VSTM2L: variants seen among roughly 807,000 people sequenced by gnomAD.
VSTM2L encodes the protein V-set and transmembrane domain-containing protein 2-like protein.
Under a neutral mutation model 19.9 loss-of-function variants are expected in VSTM2L, and 9 were observed. The ratio of observed to expected loss-of-function variants is 0.45; its 90% CI spans 0.27 to 0.79. The LOEUF (loss-of-function observed/expected upper bound fraction) is 0.79, where lower values mean the gene tolerates loss of function less well. VSTM2L is among the 30% of genes least tolerant of loss of function. The pLI, the probability that VSTM2L is intolerant of heterozygous loss-of-function variation, is 0.15. For missense variants in VSTM2L, 286 were observed against 295.5 expected (o/e 0.97, Z 0.24); for synonymous variants, 127 against 133.8 (o/e 0.95, Z 0.35).
At chr20:37,931,363 G>A (rs950284339) in intron 1 of VSTM2L, among the ~76,000 whole-genome samples, 2 of 152,116 alleles carry the variant, frequency 1.3e-5, no homozygotes, top group Non-Finnish European at 2.9e-5. Flanking sequence ...CTCCCACAGC[G>A]CCCGGCTGCT....
intron 3 of VSTM2L, among the ~76,000 whole-genome samples, chr20:37,940,400 C>T (rs528685145): frequency 1.3e-5 from 2 of 152,346 alleles, no homozygotes; most frequent in Admixed American, 1.3e-4. Context: ...GAAGGCTTTC[C>T]CTCCACGTAG....
chr20:37,911,761 G>C (rs2122938306), intron 1 of VSTM2L, among the ~76,000 whole-genome samples: 1 of 152,282 alleles, frequency 6.6e-6, no homozygotes, highest in Non-Finnish European at 1.5e-5. Context: ...GCATGTCCCT[G>C]CCCCTCTCTG....
At chr20:37,940,775 T>G (rs986323234) in intron 3 of VSTM2L, among the ~76,000 whole-genome samples, 16 of 152,194 alleles carry the variant, frequency 1.1e-4, no homozygotes, top group African/African-American at 3.9e-4. Flanking sequence ...CTTAGAATTA[T>G]GGTGTAAGGC....
At chr20:37,937,983 C>A (rs7268192) in intron 3 of VSTM2L, among the ~76,000 whole-genome samples, 5 of 152,106 alleles carry the variant, frequency 3.3e-5, no homozygotes, top group African/African-American at 1.2e-4. Flanking sequence ...CGGGATGAGA[C>A]CTCAAAGGGC....
chr20:37,921,686 G>A (rs951193115), intron 1 of VSTM2L, among the ~76,000 whole-genome samples: 3 of 152,062 alleles, frequency 2.0e-5, no homozygotes, highest in Non-Finnish European at 4.4e-5. Flanking sequence ...TAGAGAAAAG[G>A]GAACTGAGAG....
At chr20:37,931,832 TGG>T in intron 2 of VSTM2L, 28 bp downstream of exon 2, 1 of 1,605,296 alleles carries the variant, frequency 6.2e-7, no homozygotes, top group Non-Finnish European at 8.5e-7. Context: ...ATGCCCAAGC[TGG>T]GCTGGGGAAG....
In VSTM2L at chr20:37,915,032, G is replaced by A. The variant is rs569629404; in HGVS notation, c.121+11561G>A. Reference sequence around the variant, plus strand: ...GGCGGCAATTAGGGCCTGCTCGCTGGGGAGCTGTTTGCCGCCTGTCGTCGG... The same window carrying A: ...GGCGGCAATTAGGGCCTGCTCGCTGAGGAGCTGTTTGCCGCCTGTCGTCGG... On this transcript the variant is annotated intron_variant, in intron 1 of 3. Coordinates refer to ENST00000373461, the MANE Select transcript of VSTM2L (RefSeq NM_080607.3). Among the ~76,000 whole-genome samples the A allele has an allele frequency of 4.6e-5, 7 of 152,352 alleles. No individual in the cohort carries two copies. In the South Asian group the frequency reaches 1.4e-3, roughly 32 times the overall value.
intron 1 of VSTM2L, 66 bp downstream of exon 1, chr20:37,903,537 C>G: frequency 7.4e-7 from 1 of 1,351,510 alleles, no homozygotes; most frequent in Non-Finnish European, 9.5e-7. Flanking sequence ...GCCACTCCAA[C>G]TTGGCCGCCC....
intron 1 of VSTM2L, among the ~76,000 whole-genome samples, chr20:37,914,349 GTGTGTGGGGTGTT>G (rs1568835187): frequency 8.6e-5 from 13 of 150,760 alleles, no homozygotes; most frequent in Middle Eastern, 3.4e-3. Context: ...ATGTGTGCAT[GTGTGTGGGGTGTT>G]TATATATGTG....
At chr20:37,933,668 T>A in intron 3 of VSTM2L, 79 bp downstream of exon 3, 1 of 1,409,098 alleles carries the variant, frequency 7.1e-7, no homozygotes, top group Non-Finnish European at 9.9e-7. Context: ...GGGGTCCAGT[T>A]CAGCAGGGAG....
Position 37,944,838 on chromosome 20 carries a change from C to T in VSTM2L, c.*585C>T. The T allele has an allele frequency of 1.0e-6, 1 of 986,076 alleles. No individual in the cohort carries two copies. The highest frequency in any genetic ancestry group is 1.1e-4 in the East Asian group (1 of 8,790). 61.1% of individuals were successfully genotyped at this position (986,076 alleles called of 1,614,324 possible). On this transcript the variant is annotated 3_prime_UTR_variant, in exon 4 of 4. Transcript: ENST00000373461. ...GAACAGCGAGATGCCCCACCACCTC[C>T]TGGCGAGTCCTTCCTGTTCAGCTCC...
intron 1 of VSTM2L, among the ~76,000 whole-genome samples, chr20:37,913,093 G>T (rs2122940905): frequency 6.6e-6 from 1 of 152,270 alleles, no homozygotes; most frequent in South Asian, 2.1e-4. Context: ...CCCACACAGA[G>T]CAGGCACTCA....
intron 1 of VSTM2L, among the ~76,000 whole-genome samples, chr20:37,905,115 G>A (rs543629832): frequency 1.8e-4 from 27 of 152,142 alleles, no homozygotes; most frequent in Non-Finnish European, 3.1e-4. Context: ...CTTTTTTCCA[G>A]GACATTCATC....
At chr20:37,933,655 A>G in intron 3 of VSTM2L, 66 bp downstream of exon 3, 1 of 1,538,388 alleles carries the variant, frequency 6.5e-7, no homozygotes, top group Admixed American at 1.7e-5. Flanking sequence ...TTAAAAAAAA[A>G]TTGGGGTCCA....
intron 1 of VSTM2L, among the ~76,000 whole-genome samples, chr20:37,920,439 C>A (rs1472972802): frequency 3.3e-5 from 5 of 152,266 alleles, no homozygotes; most frequent in Non-Finnish European, 5.9e-5. Flanking sequence ...GAAGCAGCCA[C>A]CCACTCCTGG....
At chr20:37,942,600 C>A (rs923144515) in intron 3 of VSTM2L, among the ~76,000 whole-genome samples, 7 of 152,162 alleles carry the variant, frequency 4.6e-5, no homozygotes, top group African/African-American at 1.7e-4. Context: ...CAGAAAAAAA[C>A]GAATCTATGG....
chr20:37,907,014 A>C (rs1157947322), intron 1 of VSTM2L, among the ~76,000 whole-genome samples: 6 of 152,232 alleles, frequency 3.9e-5, no homozygotes, highest in Non-Finnish European at 8.8e-5. Flanking sequence ...CTCACATGGC[A>C]GAGTCCCCCA....
chr20:37,937,373 G>C (rs983817606), intron 3 of VSTM2L, among the ~76,000 whole-genome samples: 3 of 152,092 alleles, frequency 2.0e-5, no homozygotes, highest in Admixed American at 6.5e-5. Flanking sequence ...TATCTCCCTT[G>C]GTAGCTTGCA....
In VSTM2L at chr20:37,931,708, C is replaced by T. The variant is rs202195560; in HGVS notation, c.195C>T (p.Arg65=). Reference sequence around the variant, plus strand: ...ACGTGGAGATGGCCTGCTCCTTCCGCGGCAGCGGCTCCCCCTCCTACTCGC... The same window carrying T: ...ACGTGGAGATGGCCTGCTCCTTCCGTGGCAGCGGCTCCCCCTCCTACTCGC... ...GEDVEMACSF[R]GSGSPSYSLE... Residue 65 remains arginine, a synonymous_variant, in exon 2 of 4, where the codon CGC becomes CGT. Coordinates refer to ENST00000373461, the MANE Select transcript of VSTM2L (RefSeq NM_080607.3). The T allele has an allele frequency of 4.2e-5, 67 of 1,613,738 alleles. No individual in the cohort carries two copies. In the Admixed American group the frequency reaches 7.7e-4, roughly 18 times the overall value.
Sources: gnomAD v4.1 joint callset for allele counts (sites outside exome capture counted in the v4.1 genomes callset) on GRCh38, gnomAD v4.1.1 for gene constraint, MANE v1.5 for transcripts, NCBI Gene and HGNC (gene_info 2026-07-23, HGNC 2026-07-21) for gene names.